Variants in DVL1 observed in about 807,000 individuals in gnomAD.
The protein encoded by DVL1 is segment polarity protein dishevelled homolog DVL-1.
A neutral mutation model predicts 65.0 loss-of-function variants in DVL1; 49 were observed. The observed-to-expected ratio is 0.75, with a 90% CI of 0.60 to 0.96. The LOEUF (loss-of-function observed/expected upper bound fraction) is 0.96. Among genes scored for constraint, DVL1 ranks in the 40% least tolerant of loss-of-function variants. DVL1 has a pLI of 0.00. For missense variants in DVL1, 1,197 were observed against 1,045.4 expected (o/e 1.15, Z -2.00); for synonymous variants, 608 against 433.9 (o/e 1.40, Z -4.99).
intron 2 of DVL1, 101 bp from the exon 3 acceptor site, chr1:1,342,585 C>T: frequency 6.3e-7 from 1 of 1,575,160 alleles, no homozygotes; most frequent in Non-Finnish European, 8.6e-7. Flanking sequence ...CCTATCCGCA[C>T]CCAGCCTGCC....
Position 1,348,448 on chromosome 1 carries a change from CCCTCGGG to C in DVL1, c.170+441_170+447del, listed in dbSNP as rs1173964525. Among the ~76,000 whole-genome samples the C allele has an allele frequency of 2.6e-5, 4 of 152,222 alleles. No individual in the cohort carries two copies. The East Asian group carries it at 7.7e-4, about 29-fold the overall frequency. ...AGGGGGCCAGGAGAACCTGTCTTGACCCTCGGGAAGCTTCTGCAAACCCTAGCAGACA... is the reference window on the plus strand; with the variant it reads ...AGGGGGCCAGGAGAACCTGTCTTGACAAGCTTCTGCAAACCCTAGCAGACA... On this transcript the variant is annotated intron_variant, in intron 1 of 14. Transcript: ENST00000378888.
rs747313105 is a variant in DVL1 at position 1,336,445 on chromosome 1, C to T, written c.1785G>A (p.Ala595=). ...APGREKERRA[A]GAGGSGSESD... ...ATTCACTGCCACTGCCCCCAGCTCC[C>T]GCCGCCCGACGCTCCTTCTCACGGC... is the stretch of plus-strand genomic sequence containing the variant. Residue 595 remains alanine (A), a synonymous_variant, in exon 15 of 15, where the codon GCG becomes GCA. Coordinates refer to ENST00000378888, the MANE Select transcript of DVL1 (RefSeq NM_001330311.2). 35 of 1,574,036 alleles carry T rather than the reference C, an allele frequency of 2.2e-5. No individual in the cohort carries two copies. The highest frequency in any genetic ancestry group is 8.0e-5 in the South Asian group (7 of 87,514).
intron 11 of DVL1, 130 bp downstream of exon 11, chr1:1,339,157 G>C: frequency 7.9e-7 from 1 of 1,270,226 alleles, no homozygotes; most frequent in Non-Finnish European, 1.1e-6. Flanking sequence ...CGTCTGTGCA[G>C]GGAGTTGGGG....
At chr1:1,347,996 T>C (rs987506697) in intron 1 of DVL1, among the ~76,000 whole-genome samples, 3 of 152,100 alleles carry the variant, frequency 2.0e-5, no homozygotes, top group African/African-American at 7.2e-5. Context: ...ACAACCTTAA[T>C]GTCACAATCC....
rs1186497386 is a variant in DVL1 at position 1,348,893 on chromosome 1, G to A, written c.170+3C>T. ...GCTCGCGCAGGCCTCGCGGCCGACT[G>A]ACCCGAAGTCCTGGTCCATGGACTT... On this transcript the variant is annotated splice_donor_region_variant and intron_variant, in intron 1 of 14. Transcript: ENST00000378888. The A allele has an allele frequency of 3.9e-6, 6 of 1,543,586 alleles. No homozygotes were observed. Among genetic ancestry groups the A allele is most frequent in the Admixed American group, 1.8e-5 (1 of 54,878 alleles).
At chr1:1,339,211 G>A (rs1195630818) in intron 11 of DVL1, 76 bp downstream of exon 11, 20 of 1,521,564 alleles carry the variant, frequency 1.3e-5, no homozygotes, top group Middle Eastern at 2.3e-4. Context: ...GGCCACAGGC[G>A]GCCATGCTGG....
Position 1,342,026 on chromosome 1 carries a change from ACAGCTGGG to A in DVL1, c.466+19_466+26del. ...GGGGTCCCAGGGAGGCTGGGGGTCCACAGCTGGGCAGACATGACCACTGTACCCTCCTC... is the reference window on the plus strand; with the variant it reads ...GGGGTCCCAGGGAGGCTGGGGGTCCACAGACATGACCACTGTACCCTCCTC... On this transcript the variant is annotated intron_variant, in intron 4 of 14. Transcript: ENST00000378888. 1 of 1,534,848 alleles carries A rather than the reference ACAGCTGGG, an allele frequency of 6.5e-7. No homozygotes were observed. The highest frequency in any genetic ancestry group is 1.7e-4 in the Middle Eastern group (1 of 5,920).
intron 6 of DVL1, 30 bp from the exon 7 acceptor site, chr1:1,340,346 G>A (rs1643752004): frequency 1.2e-6 from 2 of 1,613,724 alleles, no homozygotes. Context: ...TGTGTAAAAG[G>A]CACGGGGCTG....
Position 1,349,146 on chromosome 1 carries a change from G to A in DVL1, c.-81C>T. 1 of 855,622 alleles carries A rather than the reference G, an allele frequency of 1.2e-6. No homozygotes were observed. The highest frequency in any genetic ancestry group is 1.4e-6 in the Non-Finnish European group (1 of 714,204). The allele number at this position is 855,622 out of a possible 1,614,324, so 53.0% of individuals were successfully genotyped here. A position where few individuals can be genotyped will look rare whatever the true frequency, so the allele number is the denominator to read the frequency against. On this transcript the variant is annotated 5_prime_UTR_variant, in exon 1 of 15. Coordinates refer to ENST00000378888, the MANE Select transcript of DVL1 (RefSeq NM_001330311.2). The surrounding 1 kb of genome is among the most constrained non-coding windows in gnomAD (Gnocchi z 4.1). ...CGGGGCGCTACCCGCCCGCCCGCCT[G>A]CGCCCCGCCCGGCCCGCACCGCTCT... is the stretch of plus-strand genomic sequence containing the variant.
At chr1:1,343,116 C>G (rs866087632) in intron 1 of DVL1, among the ~76,000 whole-genome samples, 6 of 152,298 alleles carry the variant, frequency 3.9e-5, no homozygotes, top group South Asian at 2.1e-4. Context: ...CAGCGTTGGT[C>G]CCCAGCCCCC....
At chr1:1,347,847 G>A (rs1643941521) in intron 1 of DVL1, among the ~76,000 whole-genome samples, 2 of 152,200 alleles carry the variant, frequency 1.3e-5, no homozygotes, top group South Asian at 4.1e-4. Flanking sequence ...TGCCCTCTCT[G>A]CTTTGCCTGG....
intron 1 of DVL1, among the ~76,000 whole-genome samples, chr1:1,348,094 G>A (rs570181635): frequency 7.9e-5 from 12 of 152,346 alleles, no homozygotes; most frequent in African/African-American, 2.9e-4. Flanking sequence ...GCACTGTTGA[G>A]CTGGGACTAG....
chr1:1,336,442 T>G lies in DVL1; in HGVS notation c.1788A>C (p.Gly596=). 6.3e-7 allele frequency: 1 copy of G among 1,579,720 alleles called. No homozygotes were observed. The highest frequency in any genetic ancestry group is 8.5e-7 in the Non-Finnish European group (1 of 1,170,240). Reference sequence around the variant, plus strand: ...CCGATTCACTGCCACTGCCCCCAGCTCCCGCCGCCCGACGCTCCTTCTCAC... The same window carrying G: ...CCGATTCACTGCCACTGCCCCCAGCGCCCGCCGCCCGACGCTCCTTCTCAC... ...PGREKERRAA[G]AGGSGSESDH... The change falls in exon 15 of 15, where the codon GGA becomes GGC. Residue 596 remains glycine, a synonymous_variant. Transcript: ENST00000378888.
At chr1:1,337,901 GGGGGCGGAGCAGCAGTGGAGT>G in intron 14 of DVL1, 55 bp downstream of exon 14, 1 of 1,190,820 alleles carries the variant, frequency 8.4e-7, no homozygotes, top group Non-Finnish European at 1.2e-6. Flanking sequence ...GGGTGGAACT[GGGGGCGGAGCAGCAGTGGAGT>G]GGGGCGGAGC....
Position 1,338,442 on chromosome 1 carries a change from C to G in DVL1, c.1340-6G>C. The G allele has an allele frequency of 6.2e-7, 1 of 1,608,976 alleles. No homozygotes were observed. The highest frequency in any genetic ancestry group is 8.5e-7 in the Non-Finnish European group (1 of 1,177,166). On this transcript the variant is annotated splice_polypyrimidine_tract_variant and splice_region_variant and intron_variant, in intron 12 of 14. Transcript: ENST00000378888. ...CCAGTCCACCACGTCCGCCCCTGGCCGGCACCAGCGGTCAGCCCGCAGCCT... is the reference window on the plus strand; with the variant it reads ...CCAGTCCACCACGTCCGCCCCTGGCGGGCACCAGCGGTCAGCCCGCAGCCT...
At position 1,340,038 on chromosome 1, in the gene DVL1, C is replaced by T; in HGVS notation, c.909G>A (p.Gln303=). 1.2e-6 allele frequency: 2 copies of T among 1,611,826 alleles called. No individual in the cohort carries two copies. The highest frequency in any genetic ancestry group is 1.7e-6 in the Non-Finnish European group (2 of 1,179,354). ...CACCCCGCAGCCCCCACAGACACAC[C>T]TGCAGCAACATGTCGCCGGGCTCGA... ...GRIEPGDMLL[Q]VNDVNFENMS... Residue 303 remains glutamine (Q), a splice_region_variant and synonymous_variant, in exon 8 of 15, where the codon CAG becomes CAA. Transcript: ENST00000378888.
chr1:1,348,528 C>T (rs1034688048), intron 1 of DVL1, among the ~76,000 whole-genome samples: 4 of 152,210 alleles, frequency 2.6e-5, no homozygotes, highest in Non-Finnish European at 5.9e-5. Flanking sequence ...GCTAGGGAAC[C>T]CCACCCTGCT....
Position 1,339,589 on chromosome 1 carries a change from G to A in DVL1, c.1047C>T (p.Val349=), listed in dbSNP as rs150917044. ...WDPTPRSYFT[V]PRADPVRPID... is the part of the protein sequence containing the mutation. ...GCCCCGAGGGCCACTCACCCCGTGG[G>A]ACGGTGAAGTAGCTTCGGGGCGTTG... Residue 349 remains valine (V), a synonymous_variant, in exon 10 of 15, where the codon GTC becomes GTT. Transcript: ENST00000378888. 1,529 of 1,607,284 alleles carry A rather than the reference G, an allele frequency of 9.5e-4. 17 individuals are homozygous for A. The African/African-American group carries it at 0.016, about 17-fold the overall frequency.
At chr1:1,339,083 G>A (rs766618290) in intron 11 of DVL1, among the ~76,000 whole-genome samples, 1 of 151,526 alleles carries the variant, frequency 6.6e-6, no homozygotes, top group Non-Finnish European at 1.5e-5. Context: ...TACATCCCCT[G>A]TTCCCAACAC....
Sources: allele counts gnomAD v4.1 joint callset (sites outside exome capture counted in the v4.1 genomes callset), GRCh38; gene constraint gnomAD v4.1.1; non-coding constraint Gnocchi (gnomAD v3.1); transcripts MANE v1.5; gene names NCBI Gene and HGNC (gene_info 2026-07-23, HGNC 2026-07-21).